DNM3: variants seen among roughly 807,000 people sequenced by gnomAD.
The protein encoded by DNM3 is dynamin 3, also known as dynamin-3.
In DNM3, 47 loss-of-function variants were observed where a neutral mutation model predicts 101.6. That is an observed-to-expected ratio of 0.46 (90% CI 0.37 to 0.59). The LOEUF (loss-of-function observed/expected upper bound fraction) is 0.59. DNM3 is among the 20% of genes least tolerant of loss of function. The probability of loss-of-function intolerance (pLI) is 0.00; values close to 1 mark genes in which losing one functional copy is unlikely to be tolerated. For synonymous variants in DNM3, 385 were observed against 387.9 expected (o/e 0.99, Z 0.09); for missense variants, 849 against 1,085.7 (o/e 0.78, Z 3.06).
rs376123360 is a variant in DNM3, at chr1:171,841,689, G to A, written c.33G>A (p.Pro11=). ...ACCGGGAGATGGAGGAGCTGATCCC[G>A]CTGGTGAACCGTCTGCAGGACGCGT... MGNREMEELI[P]LVNRLQDAFS... Residue 11 remains proline (P), a synonymous_variant, in exon 1 of 21, where the codon CCG becomes CCA. Transcript: ENST00000627582. 1.2e-6 allele frequency: 2 copies of A among 1,611,808 alleles called. No individual in the cohort carries two copies. Among genetic ancestry groups the A allele is most frequent in the South Asian group, 1.1e-5 (1 of 90,570 alleles).
chr1:172,038,014 G>A (rs2049093778), intron 6 of DNM3, among the ~76,000 whole-genome samples: 1 of 152,118 alleles, frequency 6.6e-6, no homozygotes, highest in Non-Finnish European at 1.5e-5. Context: ...ATGCTAAGGT[G>A]TTATTGGGCA....
intron 14 of DNM3, among the ~76,000 whole-genome samples, chr1:172,162,268 C>T (rs781416433): frequency 2.0e-5 from 3 of 151,578 alleles, no homozygotes; most frequent in South Asian, 4.1e-4. Flanking sequence ...AATATATTGA[C>T]GTATCTGTTG....
intron 11 of DNM3, among the ~76,000 whole-genome samples, chr1:172,073,375 A>T (rs1281563552): frequency 1.3e-5 from 2 of 152,130 alleles, no homozygotes; most frequent in African/African-American, 4.8e-5. Context: ...ACATATTGAA[A>T]CATATATATG....
intron 8 of DNM3, among the ~76,000 whole-genome samples, chr1:172,042,515 A>C (rs2049462013): frequency 6.6e-6 from 1 of 152,164 alleles, no homozygotes; most frequent in Admixed American, 6.5e-5. Flanking sequence ...CAAAATACGA[A>C]AGTTTCAAAT....
intron 13 of DNM3, among the ~76,000 whole-genome samples, chr1:172,109,324 A>C (rs2055288657): frequency 6.6e-6 from 1 of 152,174 alleles, no homozygotes; most frequent in African/African-American, 2.4e-5. Flanking sequence ...AGGGAAAAGG[A>C]GGATTTGTTT....
chr1:172,244,327 C>T (rs1031349433), intron 14 of DNM3, among the ~76,000 whole-genome samples: 43 of 152,164 alleles, frequency 2.8e-4, no homozygotes, highest in Admixed American at 9.8e-4. Flanking sequence ...AATAAACATA[C>T]GTGTGCATGT....
At chr1:172,392,776 A>C (rs2069634588) in intron 20 of DNM3, among the ~76,000 whole-genome samples, 1 of 151,988 alleles carries the variant, frequency 6.6e-6, no homozygotes, top group Admixed American at 6.5e-5. Flanking sequence ...TTTTTTTTTA[A>C]CCTCATCACT....
At chr1:171,868,081 C>T (rs994315837) in intron 1 of DNM3, among the ~76,000 whole-genome samples, 12 of 152,138 alleles carry the variant, frequency 7.9e-5, no homozygotes, top group African/African-American at 2.7e-4. Flanking sequence ...AATTTCTTCA[C>T]ATTGAGTCCA....
intron 15 of DNM3, among the ~76,000 whole-genome samples, chr1:172,257,841 C>A (rs1360722741): frequency 1.3e-5 from 2 of 150,990 alleles, no homozygotes; most frequent in African/African-American, 2.4e-5. Context: ...TACCCATTAG[C>A]CAACCTTTCT....
In DNM3 at chr1:172,408,759, T is replaced by C; in HGVS notation, c.*918T>C. 1 of 985,278 alleles carries C rather than the reference T, an allele frequency of 1.0e-6. No homozygotes were observed. Among genetic ancestry groups the C allele is most frequent in the Non-Finnish European group, 1.2e-6 (1 of 829,816 alleles). The allele number at this position is 985,278 out of a possible 1,614,324, so 61.0% of individuals were successfully genotyped here. A position where few individuals can be genotyped will look rare whatever the true frequency, so the allele number is the denominator to read the frequency against. On this transcript the variant is annotated 3_prime_UTR_variant, in exon 21 of 21. Transcript: ENST00000627582. ...TTATTATTTTGGTTGGAAAAAAAATTCACTCTTTACGTGCTAATTTGTAAT... is the reference window on the plus strand; with the variant it reads ...TTATTATTTTGGTTGGAAAAAAAATCCACTCTTTACGTGCTAATTTGTAAT...
At chr1:171,901,456 G>A (rs4916239) in intron 1 of DNM3, among the ~76,000 whole-genome samples, 69,303 of 151,398 alleles carry the variant, frequency 0.46, 15,968 homozygotes, top group East Asian at 0.66. Flanking sequence ...TCACCAGTCA[G>A]CTTGTCTGAC....
At position 172,074,785 on chromosome 1, in the gene DNM3, T is replaced by C. The variant is rs568250951; in HGVS notation, c.1422+5880T>C. Among the ~76,000 whole-genome samples, 127 of 152,318 alleles carry C rather than the reference T, an allele frequency of 8.3e-4. 1 individual carries two copies. Among genetic ancestry groups the C allele is most frequent in the African/African-American group, 2.9e-3 (120 of 41,572 alleles). ...GTGGTGCAATAAACATGCGTGTACATGTGTCTTTGTAGTAGAATGATTTAT... is the reference window on the plus strand; with the variant it reads ...GTGGTGCAATAAACATGCGTGTACACGTGTCTTTGTAGTAGAATGATTTAT... On this transcript the variant is annotated intron_variant, in intron 11 of 20. Coordinates refer to ENST00000627582, the MANE Select transcript of DNM3 (RefSeq NM_015569.5).
intron 10 of DNM3, among the ~76,000 whole-genome samples, chr1:172,053,878 G>C (rs2050382897): frequency 6.8e-6 from 1 of 148,130 alleles, no homozygotes; most frequent in South Asian, 2.1e-4. Flanking sequence ...CCTAATTAGA[G>C]TTGAGTCTGC....
At chr1:172,279,353 A>G (rs2063402330) in intron 15 of DNM3, among the ~76,000 whole-genome samples, 1 of 152,158 alleles carries the variant, frequency 6.6e-6, no homozygotes, top group Non-Finnish European at 1.5e-5. Flanking sequence ...TTGCACTTGA[A>G]TAATTCCCAA....
At chr1:171,970,429 G>A (rs1180049832) in intron 2 of DNM3, among the ~76,000 whole-genome samples, 1 of 152,028 alleles carries the variant, frequency 6.6e-6, no homozygotes, top group Non-Finnish European at 1.5e-5. Flanking sequence ...CAGAACTTTT[G>A]TGGGGTATTA....
At chr1:172,058,989 G>A (rs564405026) in intron 10 of DNM3, among the ~76,000 whole-genome samples, 25 of 151,922 alleles carry the variant, frequency 1.6e-4, no homozygotes, top group Admixed American at 2.0e-4. Flanking sequence ...TCAAATAGAC[G>A]CAATAAAAAA....
At chr1:171,951,089 T>G (rs1322568729) in intron 2 of DNM3, among the ~76,000 whole-genome samples, 1 of 152,198 alleles carries the variant, frequency 6.6e-6, no homozygotes, top group Non-Finnish European at 1.5e-5. Context: ...TACATACATT[T>G]TTTTAAAGGC....
intron 2 of DNM3, among the ~76,000 whole-genome samples, chr1:171,930,202 C>A (rs1571673577): frequency 6.6e-6 from 1 of 152,108 alleles, no homozygotes; most frequent in Non-Finnish European, 1.5e-5. Context: ...GCTGGAATGG[C>A]GAAGTCACCC....
intron 20 of DNM3, among the ~76,000 whole-genome samples, chr1:172,391,086 C>G (rs141383313): frequency 1.3e-5 from 2 of 152,100 alleles, no homozygotes; most frequent in Admixed American, 1.3e-4. Flanking sequence ...AGCTGGATGG[C>G]CGGCACATGG....
Sources: allele counts gnomAD v4.1 joint callset (sites outside exome capture counted in the v4.1 genomes callset), GRCh38; gene constraint gnomAD v4.1.1; transcripts MANE v1.5; gene names NCBI Gene and HGNC (gene_info 2026-07-23, HGNC 2026-07-21).